Variants in ADAMTS2 observed in about 807,000 individuals in gnomAD.
ADAMTS2 encodes A disintegrin and metalloproteinase with thrombospondin motifs 2.
ADAMTS2 carries 50 observed loss-of-function variants against 123.0 expected under a neutral mutation model. That is an observed-to-expected ratio of 0.41 (90% CI 0.32 to 0.51). The LOEUF (loss-of-function observed/expected upper bound fraction) is 0.51, where lower values mean the gene tolerates loss of function less well. Among genes scored for constraint, ADAMTS2 ranks in the 20% least tolerant of loss-of-function variants. The probability of loss-of-function intolerance (pLI) is 0.35; values close to 1 mark genes in which losing one functional copy is unlikely to be tolerated. For missense variants in ADAMTS2, 1,494 were observed against 1,705.2 expected (o/e 0.88, Z 2.18); for synonymous variants, 678 against 695.4 (o/e 0.98, Z 0.39).
In ADAMTS2 at chr5:179,285,429, G is replaced by A. The variant is rs756015323; in HGVS notation, c.535-12365C>T. Among the ~76,000 whole-genome samples, 2 of 152,194 alleles carry A rather than the reference G, an allele frequency of 1.3e-5. No individual in the cohort carries two copies. Among genetic ancestry groups the A allele is most frequent in the African/African-American group, 4.8e-5 (2 of 41,442 alleles). ...CAAGCAACGCTTGAGTGGCTCCCTC[G>A]GGACCTGGCCTGTCCAGAATGTCCC... is the stretch of plus-strand genomic sequence containing the variant. On this transcript the variant is annotated intron_variant, in intron 2 of 21. Transcript: ENST00000251582. The surrounding 1 kb of genome is among the most constrained non-coding windows in gnomAD (Gnocchi z 4.9).
At chr5:179,168,355 G>A (rs938496481) in intron 5 of ADAMTS2, among the ~76,000 whole-genome samples, 4 of 152,202 alleles carry the variant, frequency 2.6e-5, no homozygotes, top group Non-Finnish European at 5.9e-5. Flanking sequence ...TGGTGCTCCT[G>A]ACCAGCCGGG....
chr5:179,274,588 T>G (rs1766643098), intron 2 of ADAMTS2, among the ~76,000 whole-genome samples: 1 of 152,186 alleles, frequency 6.6e-6, no homozygotes, highest in African/African-American at 2.4e-5. Flanking sequence ...ATCATCTTGG[T>G]TGTGGGGGGG....
intron 2 of ADAMTS2, 73 bp downstream of exon 2, chr5:179,343,694 C>T (rs1194187477): frequency 1.3e-6 from 2 of 1,557,192 alleles, no homozygotes; most frequent in African/African-American, 1.4e-5. Context: ...TCCCAAGGGA[C>T]TCCCAGGTAA....
chr5:179,226,999 A>G (rs1765305618), intron 3 of ADAMTS2, among the ~76,000 whole-genome samples: 1 of 152,340 alleles, frequency 6.6e-6, no homozygotes, highest in Non-Finnish European at 1.5e-5. Context: ...AATGCAGGGT[A>G]GCACACGGTG....
At chr5:179,253,046 T>C (rs1438908216) in intron 3 of ADAMTS2, among the ~76,000 whole-genome samples, 2 of 152,254 alleles carry the variant, frequency 1.3e-5, no homozygotes, top group African/African-American at 2.4e-5. Flanking sequence ...CTGTTGAGTC[T>C]GAGATTGATA....
At chr5:179,169,579 AG>A (rs1298488517) in intron 5 of ADAMTS2, among the ~76,000 whole-genome samples, 3 of 152,174 alleles carry the variant, frequency 2.0e-5, no homozygotes, top group Non-Finnish European at 2.9e-5. Flanking sequence ...TCAGGAGGAC[AG>A]GGGGCTGTCC....
chr5:179,207,426 G>A, intron 4 of ADAMTS2, 87 bp downstream of exon 4: 5 of 1,400,630 alleles, frequency 3.6e-6, no homozygotes, highest in South Asian at 1.2e-5. Flanking sequence ...AGCCTCAGGG[G>A]ACCTGGCCCA....
At position 179,234,832 on chromosome 5, in the gene ADAMTS2, G is replaced by C. The variant is rs750117915; in HGVS notation, c.689-27117C>G. ...CCCTGCCCTTCACTCCCTGTAGCTC[G>C]AGTCCTCACCTGAGCTTGCCCCCAT... On this transcript the variant is annotated intron_variant, in intron 3 of 21. Coordinates refer to ENST00000251582, the MANE Select transcript of ADAMTS2 (RefSeq NM_014244.5). This position sits in a 1 kb window ranked among gnomAD's most constrained non-coding sequence, Gnocchi z 4.7. Among the ~76,000 whole-genome samples the C allele has an allele frequency of 6.6e-6, 1 of 152,014 alleles. No individual in the cohort carries two copies. The highest frequency in any genetic ancestry group is 1.5e-5 in the Non-Finnish European group (1 of 68,006).
chr5:179,124,495 C>T lies in ADAMTS2; in HGVS notation c.2958+478G>A, dbSNP rs766461075. On this transcript the variant is annotated intron_variant, in intron 19 of 21. Transcript: ENST00000251582. ...GAGCCCCGAACATCCTACTGGGCCT[C>T]GGAGCCCGGGCTACCCTCAGTTTCC... Among the ~76,000 whole-genome samples, 25 of 152,316 alleles carry T rather than the reference C, an allele frequency of 1.6e-4. No homozygotes were observed. In the East Asian group the frequency reaches 2.5e-3, roughly 15 times the overall value.
At chr5:179,136,234 T>A (rs1401701066) in intron 12 of ADAMTS2, among the ~76,000 whole-genome samples, 192 bp from the exon 13 acceptor site, 1 of 152,184 alleles carries the variant, frequency 6.6e-6, no homozygotes, top group African/African-American at 2.4e-5. Flanking sequence ...CCTTTGACCC[T>A]GGTGGTTGTG....
chr5:179,274,962 A>G (rs1766654765), intron 2 of ADAMTS2, among the ~76,000 whole-genome samples: 1 of 152,156 alleles, frequency 6.6e-6, no homozygotes, highest in Non-Finnish European at 1.5e-5. Flanking sequence ...CAGAGAGAGG[A>G]CCAGTGCTCC....
intron 4 of ADAMTS2, among the ~76,000 whole-genome samples, chr5:179,205,828 G>A (rs1383173448): frequency 6.6e-6 from 1 of 151,618 alleles, no homozygotes; most frequent in Non-Finnish European, 1.5e-5. Flanking sequence ...CTAGAGTGCA[G>A]TGGTGCGATC....
At chr5:179,230,797 G>A (rs1475333788) in intron 3 of ADAMTS2, among the ~76,000 whole-genome samples, 1 of 152,198 alleles carries the variant, frequency 6.6e-6, no homozygotes, top group Non-Finnish European at 1.5e-5. Flanking sequence ...GATTGCCTGA[G>A]GTCAGGAGTT....
chr5:179,207,475 T>TGCCCCCCCCCCC, intron 4 of ADAMTS2, 38 bp downstream of exon 4: 12 of 588,610 alleles, frequency 2.0e-5, no homozygotes, highest in East Asian at 3.8e-5. Context: ...TGGTTGACCC[T>TGCCCCCCCCCCC]CCCCGCCCCA....
chr5:179,207,480 G>GCCC, intron 4 of ADAMTS2, 33 bp downstream of exon 4: 1 of 454,416 alleles, frequency 2.2e-6, no homozygotes, highest in South Asian at 2.5e-5. Flanking sequence ...GACCCTCCCC[G>GCCC]CCCCACCCTG....
At chr5:179,139,732 C>T (rs541167937) in intron 11 of ADAMTS2, among the ~76,000 whole-genome samples, 158 bp downstream of exon 11, 1 of 152,146 alleles carries the variant, frequency 6.6e-6, no homozygotes, top group East Asian at 1.9e-4. Context: ...GCCGTCACCC[C>T]CTCCCAGGTA....
rs886060487 is a variant in ADAMTS2, at chr5:179,113,514, G to A, written c.*353C>T. ...GGGAATGTCATGCATCTCCGCCAAG[G>A]AAAGGAAGGTTCCCAATCACTGCTT... On this transcript the variant is annotated 3_prime_UTR_variant, in exon 22 of 22. Transcript: ENST00000251582. 2 of 332,008 alleles carry A rather than the reference G, an allele frequency of 6.0e-6. No homozygotes were observed. Among genetic ancestry groups the A allele is most frequent in the Non-Finnish European group, 1.1e-5 (2 of 175,660 alleles). The allele number at this position is 332,008 out of a possible 1,614,324, so 20.6% of individuals were successfully genotyped here. A position where few individuals can be genotyped will look rare whatever the true frequency, so the allele number is the denominator to read the frequency against.
chr5:179,158,649 C>T lies in ADAMTS2; in HGVS notation c.1132+74G>A. Reference sequence around the variant, plus strand: ...CTCTTCCCTGGGCTGGGCCAAGGCTCCCGGGGCCCCTTGCATGGCCAGGGG... The same window carrying T: ...CTCTTCCCTGGGCTGGGCCAAGGCTTCCGGGGCCCCTTGCATGGCCAGGGG... On this transcript the variant is annotated intron_variant, in intron 6 of 21. Coordinates refer to ENST00000251582, the MANE Select transcript of ADAMTS2 (RefSeq NM_014244.5). This position sits in a 1 kb window ranked among gnomAD's most constrained non-coding sequence, Gnocchi z 5.0. The T allele has an allele frequency of 1.2e-6, 2 of 1,607,552 alleles. No individual in the cohort carries two copies. The highest frequency in any genetic ancestry group is 1.7e-6 in the Non-Finnish European group (2 of 1,176,762).
rs992344614 is a variant in ADAMTS2 at position 179,314,283 on chromosome 5, G to A, written c.534+29484C>T. ...GCTCAGCTCGGGGGAAGCACCTCTCGCCAGCCATCTGGGGCTTGGCTGGGC... is the reference window on the plus strand; with the variant it reads ...GCTCAGCTCGGGGGAAGCACCTCTCACCAGCCATCTGGGGCTTGGCTGGGC... On this transcript the variant is annotated intron_variant, in intron 2 of 21. Coordinates refer to ENST00000251582, the MANE Select transcript of ADAMTS2 (RefSeq NM_014244.5). This position sits in a 1 kb window ranked among gnomAD's most constrained non-coding sequence, Gnocchi z 4.5. 7.9e-5 allele frequency among the ~76,000 whole-genome samples: 12 copies of A among 152,146 alleles called. No homozygotes were observed. The highest frequency in any genetic ancestry group is 1.7e-4 in the African/African-American group (7 of 41,418).
Sources: allele counts gnomAD v4.1 joint callset (sites outside exome capture counted in the v4.1 genomes callset), GRCh38; gene constraint gnomAD v4.1.1; non-coding constraint Gnocchi (gnomAD v3.1); transcripts MANE v1.5; gene names NCBI Gene and HGNC (gene_info 2026-07-23, HGNC 2026-07-21).